XKR4: variants seen among roughly 807,000 people sequenced by gnomAD.
XKR4 encodes the protein XK-related protein 4.
In XKR4, 12 loss-of-function variants were observed where a neutral mutation model predicts 53.9. The observed-to-expected ratio is 0.22, with a 90% CI of 0.14 to 0.36. The LOEUF (loss-of-function observed/expected upper bound fraction) is 0.36, where lower values mean the gene tolerates loss of function less well. Ranked by LOEUF, XKR4 falls within the 10% of genes least tolerant of loss-of-function variation. XKR4 has a pLI of 1.00. For missense variants in XKR4, 799 were observed against 859.5 expected, an observed-to-expected ratio of 0.93 and a Z score of 0.88; for synonymous variants, 354 against 362.4, an observed-to-expected ratio of 0.98 and a Z score of 0.26.
At chr8:55,449,996 A>T in intron 2 of XKR4, 1 of 818,120 alleles carries the variant, frequency 1.2e-6, no homozygotes. Context: ...ATACCCAGCG[A>T]GCAGCGGTGG....
chr8:55,411,772 C>G (rs1045882552), intron 2 of XKR4, among the ~76,000 whole-genome samples: 1 of 152,136 alleles, frequency 6.6e-6, no homozygotes, highest in East Asian at 1.9e-4. Flanking sequence ...GGCGAAGTGG[C>G]CCAGGTGCAG....
chr8:55,443,264 A>T (rs546983223), intron 2 of XKR4, among the ~76,000 whole-genome samples: 2 of 152,196 alleles, frequency 1.3e-5, no homozygotes, highest in African/African-American at 4.8e-5. Context: ...GTACAATAAG[A>T]GCCAAAGGCC....
At chr8:55,496,716 A>G (rs149490626) in intron 2 of XKR4, among the ~76,000 whole-genome samples, 2,237 of 152,314 alleles carry the variant, frequency 0.015, 30 homozygotes, top group Non-Finnish European at 0.024. Context: ...TCTATATGTT[A>G]TATATCCTAC....
chr8:55,480,632 T>C (rs78263569), intron 2 of XKR4, among the ~76,000 whole-genome samples: 8,877 of 152,054 alleles, frequency 0.058, 307 homozygotes, highest in Middle Eastern at 0.11. Context: ...GCAGATGACA[T>C]GATTGTATAT....
chr8:55,435,520 C>T (rs1213443572), intron 2 of XKR4, among the ~76,000 whole-genome samples: 1 of 150,940 alleles, frequency 6.6e-6, no homozygotes, highest in African/African-American at 2.4e-5. Flanking sequence ...CTTTTTATAG[C>T]TTTGCCTACA....
chr8:55,226,683 C>T (rs1040447704), intron 1 of XKR4, among the ~76,000 whole-genome samples: 1 of 152,164 alleles, frequency 6.6e-6, no homozygotes, highest in African/African-American at 2.4e-5. Flanking sequence ...CTTTCCTCCT[C>T]ATCCCCACTG....
At position 55,524,550 on chromosome 8, in the gene XKR4, A is replaced by C. The variant is rs1347405875; in HGVS notation, c.*323A>C. ...TGGAAAAATTTTGCCTCCAATCATT[A>C]GGGTGTCTTGATGGCGTTAACTGAT... On this transcript the variant is annotated 3_prime_UTR_variant, in exon 3 of 3. Transcript: ENST00000327381. 2 of 317,728 alleles carry C rather than the reference A, an allele frequency of 6.3e-6. No individual in the cohort carries two copies. The highest frequency in any genetic ancestry group is 5.8e-6 in the Non-Finnish European group (1 of 172,426). 19.7% of individuals were successfully genotyped at this position (317,728 alleles called of 1,614,324 possible).
intron 2 of XKR4, among the ~76,000 whole-genome samples, chr8:55,403,916 G>A (rs1047512811): frequency 3.3e-5 from 5 of 152,268 alleles, no homozygotes; most frequent in South Asian, 2.1e-4. Flanking sequence ...CTCATAGAAC[G>A]CCAGGGCACA....
At chr8:55,439,053 C>T (rs1462796740) in intron 2 of XKR4, among the ~76,000 whole-genome samples, 1 of 152,154 alleles carries the variant, frequency 6.6e-6, no homozygotes, top group Admixed American at 6.5e-5. Context: ...TTGCGTAATT[C>T]AGCCTAGACT....
intron 2 of XKR4, among the ~76,000 whole-genome samples, chr8:55,368,968 TA>T (rs1804031962): frequency 6.6e-6 from 1 of 152,218 alleles, no homozygotes; most frequent in Non-Finnish European, 1.5e-5. Context: ...ATTTTTAAAA[TA>T]TTTACTTTTA....
intron 2 of XKR4, among the ~76,000 whole-genome samples, chr8:55,446,568 TGAACTCCTGA>T (rs1407484050): frequency 6.6e-6 from 1 of 152,126 alleles, no homozygotes; most frequent in South Asian, 2.1e-4. Flanking sequence ...AGGCTGGTCT[TGAACTCCTGA>T]GCTCAGGAGA....
chr8:55,227,270 T>C (rs1371347920), intron 1 of XKR4, among the ~76,000 whole-genome samples: 1 of 152,224 alleles, frequency 6.6e-6, no homozygotes, highest in Non-Finnish European at 1.5e-5. Flanking sequence ...CCCACTACAT[T>C]GTGCACAAAG....
chr8:55,276,436 C>G (rs11786269), intron 1 of XKR4, among the ~76,000 whole-genome samples: 1 of 152,032 alleles, frequency 6.6e-6, no homozygotes, highest in Admixed American at 6.6e-5. Context: ...ACAACAATAG[C>G]GATAACCACT....
At chr8:55,201,978 T>C (rs575497462) in intron 1 of XKR4, among the ~76,000 whole-genome samples, 2 of 152,304 alleles carry the variant, frequency 1.3e-5, no homozygotes, top group East Asian at 3.9e-4. Context: ...AACTGAGATA[T>C]GGTTTATTTA....
intron 2 of XKR4, among the ~76,000 whole-genome samples, chr8:55,512,020 C>A (rs1652637623): frequency 6.6e-6 from 1 of 152,138 alleles, no homozygotes; most frequent in Non-Finnish European, 1.5e-5. Context: ...TATAGAGAAG[C>A]TTTTCTGTTC....
At chr8:55,467,851 C>G (rs1805806252) in intron 2 of XKR4, among the ~76,000 whole-genome samples, 1 of 152,024 alleles carries the variant, frequency 6.6e-6, no homozygotes, top group Non-Finnish European at 1.5e-5. Flanking sequence ...TTATCTGTTA[C>G]TTGTTTTTTA....
chr8:55,199,974 G>GT (rs1300834043), intron 1 of XKR4, among the ~76,000 whole-genome samples: 2 of 152,148 alleles, frequency 1.3e-5, no homozygotes, highest in African/African-American at 4.8e-5. Context: ...GTAGAACCTT[G>GT]TAGCAGTTAT....
chr8:55,434,165 A>G (rs958635310), intron 2 of XKR4, among the ~76,000 whole-genome samples: 1 of 152,246 alleles, frequency 6.6e-6, no homozygotes, highest in African/African-American at 2.4e-5. Flanking sequence ...ATGACCACCT[A>G]TATATACATT....
intron 2 of XKR4, among the ~76,000 whole-genome samples, chr8:55,478,117 G>GT (rs1806030099): frequency 6.6e-6 from 1 of 151,466 alleles, no homozygotes. Flanking sequence ...ATTCACCAAA[G>GT]TTGAAGGAAA....
Sources: gnomAD v4.1 joint callset for allele counts (sites outside exome capture counted in the v4.1 genomes callset) on GRCh38, gnomAD v4.1.1 for gene constraint, MANE v1.5 for transcripts, NCBI Gene and HGNC (gene_info 2026-07-23, HGNC 2026-07-21) for gene names.